Variants in PRKN observed in about 807,000 individuals in gnomAD.
PRKN encodes the protein parkin RBR E3 ubiquitin protein ligase, also known as E3 ubiquitin-protein ligase parkin.
PRKN carries 56 observed loss-of-function variants against 59.5 expected under a neutral mutation model. The ratio of observed to expected loss-of-function variants is 0.94; its 90% CI spans 0.76 to 1.18. PRKN has a LOEUF of 1.18. Ranked by LOEUF, PRKN falls within the 50% of genes most tolerant of loss-of-function variation. The pLI is 0.00. For synonymous variants in PRKN, 250 were observed against 222.1 expected (o/e 1.13, Z -1.12); for missense variants, 657 against 596.4 (o/e 1.10, Z -1.06).
rs558561598 is a variant in PRKN, at chr6:162,485,755, CAGTT to C, written c.8-42286_8-42283del. On this transcript the variant is annotated intron_variant, in intron 1 of 11. Transcript: ENST00000366898. ...CCCTTTGGAGCAACCTGTTCAATCTCAGTTAGTCGCCTACTGGAGTGCACAGACA... is the reference window on the plus strand; with the variant it reads ...CCCTTTGGAGCAACCTGTTCAATCTCAGTCGCCTACTGGAGTGCACAGACA... Among the ~76,000 whole-genome samples the C allele has an allele frequency of 2.1e-3, 317 of 152,288 alleles. 2 individuals carry two copies. Among genetic ancestry groups the C allele is most frequent in the African/African-American group, 7.3e-3 (304 of 41,566 alleles).
At chr6:162,002,462 C>G (rs1290938998) in intron 5 of PRKN, among the ~76,000 whole-genome samples, 1 of 151,942 alleles carries the variant, frequency 6.6e-6, no homozygotes, top group African/African-American at 2.4e-5. Flanking sequence ...CCTTTATAAG[C>G]CTTTCATTGT....
chr6:161,439,468 T>G (rs1351368212), intron 9 of PRKN, among the ~76,000 whole-genome samples: 1 of 152,202 alleles, frequency 6.6e-6, no homozygotes, highest in East Asian at 1.9e-4. Context: ...TAAATGGCAG[T>G]GTGCAATCAC....
intron 1 of PRKN, among the ~76,000 whole-genome samples, chr6:162,482,119 A>C (rs1428809213): frequency 6.6e-6 from 1 of 152,176 alleles, no homozygotes; most frequent in Non-Finnish European, 1.5e-5. Context: ...CAGATAATGA[A>C]AAGTGGTGTG....
chr6:161,988,509 AAAAT>A (rs1224077679), intron 5 of PRKN, among the ~76,000 whole-genome samples: 4 of 151,956 alleles, frequency 2.6e-5, no homozygotes, highest in South Asian at 2.1e-4. Context: ...AAAATAAAAT[AAAAT>A]AAATAAATAA....
chr6:162,642,881 T>C (rs900500652), intron 1 of PRKN, among the ~76,000 whole-genome samples: 6 of 152,120 alleles, frequency 3.9e-5, no homozygotes, highest in Non-Finnish European at 7.4e-5. Flanking sequence ...AAATTTCTTA[T>C]ATTGAACATA....
chr6:162,139,495 T>C (rs184496904), intron 4 of PRKN, among the ~76,000 whole-genome samples: 1 of 152,078 alleles, frequency 6.6e-6, no homozygotes, highest in East Asian at 1.9e-4. Flanking sequence ...ACGTCGGGTG[T>C]GGGAAGGGCC....
At chr6:161,956,232 T>C (rs1780165220) in intron 6 of PRKN, among the ~76,000 whole-genome samples, 1 of 152,170 alleles carries the variant, frequency 6.6e-6, no homozygotes, top group Admixed American at 6.5e-5. Context: ...ACATTCTTTC[T>C]CCAGGGCCTG....
chr6:162,650,461 A>C (rs1002296315), intron 1 of PRKN, among the ~76,000 whole-genome samples: 2 of 150,796 alleles, frequency 1.3e-5, no homozygotes. Flanking sequence ...AGCCGGGCGT[A>C]GTGGCGGGCG....
chr6:162,131,668 A>C (rs1382738911), intron 4 of PRKN, among the ~76,000 whole-genome samples: 2 of 152,228 alleles, frequency 1.3e-5, no homozygotes, highest in East Asian at 3.8e-4. Context: ...AATTTTAAAA[A>C]GCCAGTAGGT....
intron 4 of PRKN, among the ~76,000 whole-genome samples, chr6:162,085,662 T>C (rs537514832): frequency 6.6e-6 from 1 of 152,234 alleles, no homozygotes; most frequent in East Asian, 1.9e-4. Context: ...GGAGTTAAGA[T>C]ACTATTCATG....
intron 7 of PRKN, among the ~76,000 whole-genome samples, chr6:161,708,825 T>C (rs1786621790): frequency 6.6e-6 from 1 of 152,206 alleles, no homozygotes; most frequent in Non-Finnish European, 1.5e-5. Context: ...TGGCTACGAA[T>C]AATGTTGCCC....
chr6:162,321,240 C>A (rs1783011075), intron 2 of PRKN, among the ~76,000 whole-genome samples: 1 of 151,806 alleles, frequency 6.6e-6, no homozygotes, highest in Non-Finnish European at 1.5e-5. Flanking sequence ...ATATTCTGAG[C>A]AATTTTCTAC....
chr6:162,385,088 C>T (rs943735279), intron 2 of PRKN, among the ~76,000 whole-genome samples: 1 of 151,984 alleles, frequency 6.6e-6, no homozygotes, highest in Non-Finnish European at 1.5e-5. Flanking sequence ...CAAAGACATA[C>T]AGAATCATAT....
chr6:161,893,825 T>G (rs1407059378), intron 6 of PRKN, among the ~76,000 whole-genome samples: 2 of 152,206 alleles, frequency 1.3e-5, no homozygotes, highest in Non-Finnish European at 2.9e-5. Context: ...CTCTGTGGAT[T>G]CTGAGACTTG....
chr6:161,948,690 G>C (rs1194928210), intron 6 of PRKN, among the ~76,000 whole-genome samples: 1 of 152,232 alleles, frequency 6.6e-6, no homozygotes, highest in East Asian at 1.9e-4. Context: ...TGAGACATGC[G>C]AAGGCCTTGA....
At chr6:162,128,959 T>C (rs1291707314) in intron 4 of PRKN, among the ~76,000 whole-genome samples, 2 of 152,214 alleles carry the variant, frequency 1.3e-5, no homozygotes, top group Non-Finnish European at 2.9e-5. Context: ...GTGACATTCT[T>C]TTATTAGCAG....
chr6:162,512,257 A>C (rs950133029), intron 1 of PRKN, among the ~76,000 whole-genome samples: 1 of 152,140 alleles, frequency 6.6e-6, no homozygotes, highest in South Asian at 2.1e-4. Context: ...ATCTGCTAAT[A>C]TGGTCATGGG....
At chr6:161,351,413 C>G (rs941133648) in intron 11 of PRKN, among the ~76,000 whole-genome samples, 4 of 151,604 alleles carry the variant, frequency 2.6e-5, no homozygotes, top group African/African-American at 9.7e-5. Flanking sequence ...CAACCCCCAC[C>G]TCCCAGGTTC....
rs553423897 is a variant in PRKN, at chr6:161,561,453, C to T, written c.933+7902G>A. Among the ~76,000 whole-genome samples, 1 of 152,180 alleles carries T rather than the reference C, an allele frequency of 6.6e-6. No homozygotes were observed. Among genetic ancestry groups the T allele is most frequent in the East Asian group, 1.9e-4 (1 of 5,184 alleles). On this transcript the variant is annotated intron_variant, in intron 8 of 11. Transcript: ENST00000366898. The surrounding 1 kb of genome is among the most constrained non-coding windows in gnomAD (Gnocchi z 5.0). ...TCAACAGATGTTTCCTAAGCACACT[C>T]TAAGTGTCAAGTACTCTTCTATGTG...
Sources: allele counts gnomAD v4.1 joint callset (sites outside exome capture counted in the v4.1 genomes callset), GRCh38; gene constraint gnomAD v4.1.1; non-coding constraint Gnocchi (gnomAD v3.1); transcripts MANE v1.5; gene names NCBI Gene and HGNC (gene_info 2026-07-23, HGNC 2026-07-21).